The following KIF13B variants were observed in gnomAD, a reference collection of about 807,000 sequenced individuals.
The protein encoded by KIF13B is kinesin family member 13B, also known as kinesin-like protein KIF13B.
In KIF13B, 127 loss-of-function variants were observed where a neutral mutation model predicts 222.0. That is an observed-to-expected ratio of 0.57 (90% CI 0.50 to 0.66). The LOEUF (loss-of-function observed/expected upper bound fraction) is 0.66, where lower values mean the gene tolerates loss of function less well. Among genes scored for constraint, KIF13B ranks in the 30% least tolerant of loss-of-function variants. The probability of loss-of-function intolerance (pLI) is 0.00; values close to 1 mark genes in which losing one functional copy is unlikely to be tolerated. For missense variants in KIF13B, 2,173 were observed against 2,379.0 expected (o/e 0.91, Z 1.80); for synonymous variants, 976 against 919.0 (o/e 1.06, Z -1.12).
At chr8:29,250,949 A>T (rs1264537021) in intron 1 of KIF13B, among the ~76,000 whole-genome samples, 3 of 152,218 alleles carry the variant, frequency 2.0e-5, no homozygotes, top group Non-Finnish European at 2.9e-5. Flanking sequence ...TAGAAAGCAA[A>T]GCAGTGGCGT....
intron 17 of KIF13B, 120 bp from the exon 18 acceptor site, chr8:29,146,660 C>T (rs144769369): frequency 2.0e-5 from 17 of 854,522 alleles, no homozygotes; most frequent in Middle Eastern, 6.9e-4. Context: ...TTTCCGTGGT[C>T]GTCTGCACGC....
Position 29,190,994 on chromosome 8 carries a change from T to C in KIF13B, c.223+3A>G, listed in dbSNP as rs1813155876. On this transcript the variant is annotated splice_donor_region_variant and intron_variant, in intron 4 of 39. Coordinates refer to ENST00000524189, the MANE Select transcript of KIF13B (RefSeq NM_015254.4). ...TAGTTGACAGGATGCTGGATTCTAT[T>C]ACCTGCATACTTTTCTTTGACAGAT... 6.2e-7 allele frequency: 1 copy of C among 1,608,794 alleles called. No homozygotes were observed. The highest frequency in any genetic ancestry group is 1.1e-5 in the South Asian group (1 of 90,950).
intron 32 of KIF13B, among the ~76,000 whole-genome samples, chr8:29,110,365 C>T (rs1266298772): frequency 2.0e-5 from 3 of 152,104 alleles, no homozygotes; most frequent in Non-Finnish European, 4.4e-5. Flanking sequence ...AGGATTTTGT[C>T]GACTAGCCAG....
intron 3 of KIF13B, among the ~76,000 whole-genome samples, chr8:29,195,830 AG>A (rs1436028066): frequency 6.6e-6 from 1 of 152,220 alleles, no homozygotes; most frequent in Non-Finnish European, 1.5e-5. Flanking sequence ...GAGGCCGCGC[AG>A]GTTTCTGTTG....
At chr8:29,158,313 T>C (rs972260657) in intron 13 of KIF13B, among the ~76,000 whole-genome samples, 12 of 152,108 alleles carry the variant, frequency 7.9e-5, no homozygotes, top group Non-Finnish European at 1.6e-4. Flanking sequence ...AATATAAAAA[T>C]AAATGCACAA....
chr8:29,072,763 C>T (rs937748441), intron 38 of KIF13B, among the ~76,000 whole-genome samples: 1 of 152,090 alleles, frequency 6.6e-6, no homozygotes, highest in Non-Finnish European at 1.5e-5. Flanking sequence ...CCATGCAGGG[C>T]CAGCACGCTA....
chr8:29,102,435 G>A (rs776184701), intron 35 of KIF13B, among the ~76,000 whole-genome samples: 10 of 152,202 alleles, frequency 6.6e-5, no homozygotes, highest in South Asian at 2.1e-4. Flanking sequence ...TGTCCTCACC[G>A]GCAGACTCAA....
intron 1 of KIF13B, among the ~76,000 whole-genome samples, chr8:29,255,728 C>T (rs746280624): frequency 2.0e-5 from 3 of 152,130 alleles, no homozygotes; most frequent in South Asian, 2.1e-4. Context: ...CCAATTAATT[C>T]GTTTCAGTGA....
rs758747096 is a variant in KIF13B at position 29,165,763 on chromosome 8, A to G, written c.1168T>C (p.Ser390Pro). The change falls in exon 12 of 40, where the codon TCT becomes CCT. Residue 390 changes from serine (S) to proline (P), a missense_variant. Physicochemically the swap from Ser to Pro is moderately conservative, Grantham distance 74. Transcript: ENST00000524189. ...EQLTKAEAMK[S>P]PELKDRLEES... Reference sequence around the variant, plus strand: ...TCCAGCCGGTCCTTTAGCTCTGGAGATTTCATTGCCTACAAGCAAAATGTT... The same window carrying G: ...TCCAGCCGGTCCTTTAGCTCTGGAGGTTTCATTGCCTACAAGCAAAATGTT... 6.2e-7 allele frequency: 1 copy of G among 1,610,780 alleles called. No homozygotes were observed. Among genetic ancestry groups the G allele is most frequent in the South Asian group, 1.1e-5 (1 of 90,970 alleles).
chr8:29,259,859 C>T (rs2117186272), intron 1 of KIF13B, among the ~76,000 whole-genome samples: 1 of 152,268 alleles, frequency 6.6e-6, no homozygotes, highest in South Asian at 2.1e-4. Flanking sequence ...AAAATTTACC[C>T]TTTTCTCTAG....
At chr8:29,193,988 T>TTG (rs954930729) in intron 3 of KIF13B, among the ~76,000 whole-genome samples, 9 of 150,970 alleles carry the variant, frequency 6.0e-5, no homozygotes, top group African/African-American at 2.2e-4. Flanking sequence ...TGGCTTTTTT[T>TTG]TTTTTTTTTG....
intron 2 of KIF13B, among the ~76,000 whole-genome samples, chr8:29,200,719 T>C (rs1056780513): frequency 7.2e-5 from 11 of 152,222 alleles, no homozygotes; most frequent in African/African-American, 2.7e-4. Flanking sequence ...GTGTTACATA[T>C]ACTTGTCATG....
intron 1 of KIF13B, among the ~76,000 whole-genome samples, chr8:29,246,428 A>G (rs6558103): frequency 0.099 from 14,949 of 151,734 alleles, 1,002 homozygotes; most frequent in African/African-American, 0.18. Context: ...CAACTGTGAT[A>G]TATCAGTTAA....
At chr8:29,127,858 TTGAA>T (rs755628600) in intron 24 of KIF13B, among the ~76,000 whole-genome samples, 16 of 152,048 alleles carry the variant, frequency 1.1e-4, no homozygotes, top group Non-Finnish European at 2.1e-4. Flanking sequence ...TAGACACAAA[TTGAA>T]TGAATATTTT....
chr8:29,130,629 A>T lies in KIF13B; in HGVS notation c.2979T>A (p.Val993=). 1 of 1,613,850 alleles carries T rather than the reference A, an allele frequency of 6.2e-7. No individual in the cohort carries two copies. Among genetic ancestry groups the T allele is most frequent in the East Asian group, 2.2e-5 (1 of 44,872 alleles). The part of the protein sequence containing the change: ...SEVTRKLEFW[V]QILEQNENGE... Reference sequence around the variant, plus strand: ...CATTCTCATTCTGTTCCAAGATTTGAACCCAGAATTCCAATTTCCTGGTCA... The same window carrying T: ...CATTCTCATTCTGTTCCAAGATTTGTACCCAGAATTCCAATTTCCTGGTCA... Residue 993 remains valine (V), a synonymous_variant, in exon 24 of 40, where the codon GTT becomes GTA. Coordinates refer to ENST00000524189, the MANE Select transcript of KIF13B (RefSeq NM_015254.4).
intron 2 of KIF13B, among the ~76,000 whole-genome samples, chr8:29,214,596 C>T (rs1019101008): frequency 3.3e-5 from 5 of 152,124 alleles, no homozygotes; most frequent in African/African-American, 1.2e-4. Flanking sequence ...TACAATTAAC[C>T]TTTTTAAAAA....
chr8:29,123,618 A>C, intron 27 of KIF13B, 126 bp from the exon 28 acceptor site: 1 of 1,232,544 alleles, frequency 8.1e-7, no homozygotes, highest in Non-Finnish European at 1.2e-6. Flanking sequence ...AGTGATAAAA[A>C]CTAACCCACA....
intron 38 of KIF13B, 109 bp downstream of exon 38, chr8:29,075,172 A>C: frequency 1.2e-6 from 1 of 841,938 alleles, no homozygotes; most frequent in Non-Finnish European, 2.0e-6. Context: ...CTAATTACCA[A>C]AACAGGAATG....
In KIF13B at chr8:29,243,673, A is replaced by G. The variant is rs1007871037; in HGVS notation, c.149+1673T>C. On this transcript the variant is annotated intron_variant, in intron 2 of 39. Coordinates refer to ENST00000524189, the MANE Select transcript of KIF13B (RefSeq NM_015254.4). ...TCTGCCTCAAAAAAAAAAAAGAAAG[A>G]AAAGAAAAAAAAGAAAAACTACTTC... Among the ~76,000 whole-genome samples the G allele has an allele frequency of 3.3e-5, 5 of 152,092 alleles. No individual in the cohort carries two copies. In the East Asian group the frequency reaches 9.7e-4, roughly 29 times the overall value.
Sources: gnomAD v4.1 joint callset for allele counts (sites outside exome capture counted in the v4.1 genomes callset) on GRCh38, gnomAD v4.1.1 for gene constraint, MANE v1.5 for transcripts, NCBI Gene and HGNC (gene_info 2026-07-23, HGNC 2026-07-21) for gene names.